The following PROM1 variants were observed in gnomAD, a reference collection of about 807,000 sequenced individuals.
PROM1 encodes prominin 1, also known as prominin-1.
PROM1 carries 105 observed loss-of-function variants against 116.9 expected under a neutral mutation model. That is an observed-to-expected ratio of 0.90 (90% CI 0.77 to 1.06). The LOEUF is 1.06. Ranked by LOEUF, PROM1 falls within the 50% of genes least tolerant of loss-of-function variation. The probability of loss-of-function intolerance (pLI) is 0.00; values close to 1 mark genes in which losing one functional copy is unlikely to be tolerated. For synonymous variants in PROM1, 393 were observed against 387.0 expected (o/e 1.02, Z -0.18); for missense variants, 1,122 against 1,045.2 (o/e 1.07, Z -1.01).
At chr4:16,004,825 TTCTTTTTCTTC>T (rs1317924488) in intron 13 of PROM1, among the ~76,000 whole-genome samples, 20 of 111,908 alleles carry the variant, frequency 1.8e-4, no homozygotes, top group Admixed American at 3.5e-4. Flanking sequence ...CTTTCTTTCT[TTCTTTTTCTTC>T]CTTCCTTCCT....
intron 1 of PROM1, among the ~76,000 whole-genome samples, chr4:16,082,994 G>A (rs1745324939): frequency 6.6e-6 from 1 of 151,836 alleles, no homozygotes; most frequent in Non-Finnish European, 1.5e-5. Context: ...GCAAGCAGAA[G>A]GGCCGTGGAG....
At chr4:16,014,494 T>C (rs1036631291) in intron 10 of PROM1, among the ~76,000 whole-genome samples, 1 of 152,192 alleles carries the variant, frequency 6.6e-6, no homozygotes, top group African/African-American at 2.4e-5. Flanking sequence ...ATAACTTGTT[T>C]AAGGGACCAC....
chr4:16,078,688 G>C (rs1027130292), intron 1 of PROM1, among the ~76,000 whole-genome samples: 7 of 152,210 alleles, frequency 4.6e-5, no homozygotes, highest in African/African-American at 1.4e-4. Context: ...GTAAGAAAGG[G>C]AAGGGGGATG....
chr4:16,002,861 T>G (rs1217410366), intron 13 of PROM1, among the ~76,000 whole-genome samples: 1 of 152,214 alleles, frequency 6.6e-6, no homozygotes, highest in East Asian at 1.9e-4. Flanking sequence ...GGGGAACCAC[T>G]GCCCAAGGTC....
At chr4:15,980,303 TAAA>T (rs58036643) in intron 24 of PROM1, 116 bp downstream of exon 24, 9,067 of 598,238 alleles carry the variant, frequency 0.015, no homozygotes, top group South Asian at 0.018. Context: ...CAACTACTAC[TAAA>T]AAAAAAAAAA....
chr4:16,083,055 G>C (rs1404415690), intron 1 of PROM1, among the ~76,000 whole-genome samples: 1 of 152,026 alleles, frequency 6.6e-6, no homozygotes. Flanking sequence ...TTCTCCCACG[G>C]ACGCGGGGAG....
intron 2 of PROM1, among the ~76,000 whole-genome samples, chr4:16,069,486 C>T (rs1012415658): frequency 1.3e-5 from 2 of 152,086 alleles, no homozygotes; most frequent in Non-Finnish European, 2.9e-5. Flanking sequence ...CCATACTAAC[C>T]CATGGTCATT....
intron 11 of PROM1, among the ~76,000 whole-genome samples, chr4:16,010,521 T>G (rs1317200638): frequency 6.6e-6 from 1 of 152,234 alleles, no homozygotes; most frequent in African/African-American, 2.4e-5. Context: ...GTTTTCTTTT[T>G]GAGACAGGAT....
In PROM1 at chr4:16,018,333, T is replaced by C; in HGVS notation, c.992A>G (p.Glu331Gly). Residue 331 changes from glutamate (E) to glycine (G), a missense_variant, in exon 9 of 28, where the codon GAA becomes GGA. By Grantham distance (98) the Glu-to-Gly change is moderately conservative (BLOSUM62 -2). Transcript: ENST00000447510. ...CTCATGCCTGCTCACCTGCCTCAGT[T>C]CAGGGTTGCTATTCAGCTGGCTTAG... ...LSLSQLNSNP[E>G]LRQLPPVDAE... is the part of the protein sequence containing the mutation. 8 of 1,613,070 alleles carry C rather than the reference T, an allele frequency of 5.0e-6. No homozygotes were observed. The highest frequency in any genetic ancestry group is 1.3e-5 in the African/African-American group (1 of 75,014).
chr4:16,021,461 T>G (rs1366682745), intron 8 of PROM1, among the ~76,000 whole-genome samples: 1 of 152,194 alleles, frequency 6.6e-6, no homozygotes, highest in Non-Finnish European at 1.5e-5. Context: ...CTCTTCAACA[T>G]TGCAGTCACA....
rs778618612 is a variant in PROM1, at chr4:15,984,263, CAAGGGGTCGAT to C, written c.2362_2372del (p.Ile788GlufsTer26). ...CTTCTTTTGAAAGATGAAATCTTAC[CAAGGGGTCGAT>C]AATGTAGCTACACAGAAAGACATCA... is the stretch of plus-strand genomic sequence containing the variant. On this transcript the variant is annotated frameshift_variant and splice_region_variant, in exon 23 of 28. Coordinates refer to ENST00000447510, the MANE Select transcript of PROM1 (RefSeq NM_006017.3). LOFTEE classifies it high-confidence loss of function. The C allele has an allele frequency of 1.3e-6, 2 of 1,588,790 alleles. No individual in the cohort carries two copies. The highest frequency in any genetic ancestry group is 8.6e-7 in the Non-Finnish European group (1 of 1,160,680).
intron 2 of PROM1, among the ~76,000 whole-genome samples, chr4:16,070,138 A>G (rs1241393982): frequency 6.6e-6 from 1 of 152,206 alleles, no homozygotes; most frequent in Non-Finnish European, 1.5e-5. Flanking sequence ...TAATTTTTTA[A>G]CAATTTCCCC....
intron 26 of PROM1, 56 bp downstream of exon 26, chr4:15,979,339 T>C (rs1452947207): frequency 3.7e-6 from 6 of 1,611,868 alleles, no homozygotes; most frequent in Admixed American, 3.3e-5. Flanking sequence ...TGCTGATCTA[T>C]AGGAGATGAG....
At position 16,023,319 on chromosome 4, in the gene PROM1, T is replaced by A; in HGVS notation, c.784+7A>T. 1 of 1,590,486 alleles carries A rather than the reference T, an allele frequency of 6.3e-7. No homozygotes were observed. ...ACTTTCTTTGGTCATTTTTGCCCACTGCTTACCTGTTGCCATGGACTTAAT... is the reference window on the plus strand; with the variant it reads ...ACTTTCTTTGGTCATTTTTGCCCACAGCTTACCTGTTGCCATGGACTTAAT... On this transcript the variant is annotated splice_region_variant and intron_variant, in intron 8 of 27. Transcript: ENST00000447510.
intron 2 of PROM1, among the ~76,000 whole-genome samples, chr4:16,059,850 C>T (rs1739895218): frequency 6.6e-6 from 1 of 151,778 alleles, no homozygotes; most frequent in Non-Finnish European, 1.5e-5. Flanking sequence ...TAATAAACTA[C>T]CTCACAGCAA....
chr4:16,012,621 A>T (rs146886793), intron 11 of PROM1, among the ~76,000 whole-genome samples: 2,237 of 152,190 alleles, frequency 0.015, 61 homozygotes, highest in African/African-American at 0.051. Flanking sequence ...CTATAATCCC[A>T]GCACTTTGGG....
At chr4:16,005,576 A>C (rs1367539938) in intron 13 of PROM1, among the ~76,000 whole-genome samples, 2 of 151,874 alleles carry the variant, frequency 1.3e-5, no homozygotes. Flanking sequence ...GTTTTAAAAA[A>C]CAAATTAATC....
At chr4:16,043,767 G>A (rs924982018) in intron 2 of PROM1, among the ~76,000 whole-genome samples, 1 of 152,194 alleles carries the variant, frequency 6.6e-6, no homozygotes, top group Non-Finnish European at 1.5e-5. Context: ...CGCTGTCTGG[G>A]ATGTGGTTCT....
At chr4:16,005,182 C>T (rs1284282718) in intron 13 of PROM1, among the ~76,000 whole-genome samples, 2 of 151,988 alleles carry the variant, frequency 1.3e-5, no homozygotes, top group Non-Finnish European at 2.9e-5. Context: ...AGGCTGGTCT[C>T]GAACTCCTGG....
Sources: gnomAD v4.1 joint callset for allele counts (sites outside exome capture counted in the v4.1 genomes callset) on GRCh38, gnomAD v4.1.1 for gene constraint, MANE v1.5 for transcripts, NCBI Gene and HGNC (gene_info 2026-07-23, HGNC 2026-07-21) for gene names.